The following COMMD1 variants were observed in gnomAD, a reference collection of about 807,000 sequenced individuals.
COMMD1 encodes COMM domain-containing protein 1.
Under a neutral mutation model 17.2 loss-of-function variants are expected in COMMD1, and 10 were observed. The ratio of observed to expected loss-of-function variants is 0.58; its 90% CI spans 0.36 to 0.99. COMMD1 has a LOEUF of 0.99. COMMD1 is among the 50% of genes least tolerant of loss of function. The pLI is 0.01. For missense variants in COMMD1, 270 were observed against 231.8 expected (o/e 1.17, Z -1.07); for synonymous variants, 97 against 91.6 (o/e 1.06, Z -0.34).
At chr2:62,050,755 C>T (rs1670513793) in intron 2 of COMMD1, among the ~76,000 whole-genome samples, 1 of 152,124 alleles carries the variant, frequency 6.6e-6, no homozygotes, top group South Asian at 2.1e-4. Context: ...AAAGTCTGTC[C>T]CTTTAAATTT....
At chr2:61,966,893 C>T (rs574702534) in intron 1 of COMMD1, among the ~76,000 whole-genome samples, 29 of 152,124 alleles carry the variant, frequency 1.9e-4, no homozygotes, top group African/African-American at 6.7e-4. Context: ...TAAGAAGACC[C>T]GGGCATACAC....
intron 1 of COMMD1, among the ~76,000 whole-genome samples, chr2:61,931,706 G>C (rs1444639575): frequency 6.6e-6 from 1 of 152,166 alleles, no homozygotes; most frequent in Non-Finnish European, 1.5e-5. Context: ...CTTTGAGGGG[G>C]TGAACAGCTT....
At chr2:62,066,604 T>A (rs576455262) in intron 2 of COMMD1, among the ~76,000 whole-genome samples, 1 of 151,912 alleles carries the variant, frequency 6.6e-6, no homozygotes. Context: ...GGTTTCACCA[T>A]GTTAGCCAGG....
At chr2:62,013,790 A>G (rs1482148835) in intron 2 of COMMD1, among the ~76,000 whole-genome samples, 1 of 152,194 alleles carries the variant, frequency 6.6e-6, no homozygotes, top group Admixed American at 6.5e-5. Context: ...GTCATTGTTA[A>G]AACAGTCTTA....
At chr2:61,979,096 C>G (rs549692861) in intron 1 of COMMD1, among the ~76,000 whole-genome samples, 1 of 152,276 alleles carries the variant, frequency 6.6e-6, no homozygotes, top group South Asian at 2.1e-4. Context: ...GTGATCCCCA[C>G]TTCCACTGCC....
intron 2 of COMMD1, among the ~76,000 whole-genome samples, chr2:62,039,590 A>G (rs946216298): frequency 1.3e-5 from 2 of 152,204 alleles, no homozygotes; most frequent in African/African-American, 4.8e-5. Context: ...CCCAAGTTGC[A>G]ATTTCAAGTA....
intron 2 of COMMD1, among the ~76,000 whole-genome samples, chr2:62,032,045 A>G (rs559462635): frequency 6.6e-6 from 1 of 152,190 alleles, no homozygotes; most frequent in African/African-American, 2.4e-5. Flanking sequence ...ACTTCATACA[A>G]TTTATTATTT....
chr2:61,919,662 G>A (rs1670138216), intron 1 of COMMD1, among the ~76,000 whole-genome samples: 1 of 151,738 alleles, frequency 6.6e-6, no homozygotes, highest in Non-Finnish European at 1.5e-5. Flanking sequence ...TAGATTGTGA[G>A]GTAGGAACTG....
chr2:61,894,423 C>G (rs1474969117), intron 1 of COMMD1, among the ~76,000 whole-genome samples: 4 of 151,320 alleles, frequency 2.6e-5, no homozygotes, highest in African/African-American at 9.7e-5. Flanking sequence ...GGCAAGCTGA[C>G]TTTATACACA....
intron 2 of COMMD1, among the ~76,000 whole-genome samples, chr2:62,025,738 G>C (rs1424121918): frequency 6.6e-6 from 1 of 152,114 alleles, no homozygotes; most frequent in Non-Finnish European, 1.5e-5. Context: ...ACCCAGGCTG[G>C]AATACAGTGG....
At chr2:62,115,140 G>A (rs972894627) in intron 2 of COMMD1, among the ~76,000 whole-genome samples, 2 of 152,102 alleles carry the variant, frequency 1.3e-5, no homozygotes, top group Admixed American at 6.5e-5. Context: ...TTGTTAAATC[G>A]GTTAAAACGA....
intron 1 of COMMD1, among the ~76,000 whole-genome samples, chr2:61,891,629 G>A (rs1219469001): frequency 1.3e-5 from 2 of 151,766 alleles, no homozygotes; most frequent in African/African-American, 4.8e-5. Flanking sequence ...TCGGGAGGCT[G>A]AGGCAGGAGA....
intron 2 of COMMD1, among the ~76,000 whole-genome samples, chr2:62,067,149 C>T (rs1215163166): frequency 1.3e-5 from 2 of 151,630 alleles, no homozygotes; most frequent in African/African-American, 2.4e-5. Context: ...CGCTTGAACC[C>T]GGAAGGCGGA....
At chr2:62,133,259 CAGCTT>C (rs1306933518) in intron 2 of COMMD1, among the ~76,000 whole-genome samples, 2 of 151,874 alleles carry the variant, frequency 1.3e-5, no homozygotes, top group African/African-American at 4.8e-5. Context: ...AGTGTAGACT[CAGCTT>C]AGCAGCTTAG....
intron 1 of COMMD1, among the ~76,000 whole-genome samples, chr2:61,983,901 A>G (rs748234183): frequency 1.3e-5 from 2 of 151,920 alleles, no homozygotes; most frequent in Non-Finnish European, 2.9e-5. Context: ...TTGTTTTTCT[A>G]ATTCTTTAAG....
At chr2:61,984,431 G>C (rs1672048708) in intron 1 of COMMD1, among the ~76,000 whole-genome samples, 1 of 152,112 alleles carries the variant, frequency 6.6e-6, no homozygotes, top group Non-Finnish European at 1.5e-5. Flanking sequence ...TCATTCAGCA[G>C]CATATTGTTT....
intron 1 of COMMD1, among the ~76,000 whole-genome samples, chr2:61,982,566 T>C (rs565871706): frequency 6.6e-6 from 1 of 152,322 alleles, no homozygotes; most frequent in East Asian, 1.9e-4. Flanking sequence ...GTTCCAGATA[T>C]TAGAGGAAAG....
At chr2:61,933,794 G>A (rs997052949) in intron 1 of COMMD1, among the ~76,000 whole-genome samples, 4 of 150,920 alleles carry the variant, frequency 2.7e-5, no homozygotes, top group African/African-American at 7.4e-5. Flanking sequence ...ATGGAGTTTC[G>A]CTCTTGTTGC....
chr2:62,048,538 G>A (rs1670448259), intron 2 of COMMD1, among the ~76,000 whole-genome samples: 1 of 152,050 alleles, frequency 6.6e-6, no homozygotes. Context: ...ATGGACTATG[G>A]ACAGTAAAAT....
Sources: allele counts gnomAD v4.1 joint callset (sites outside exome capture counted in the v4.1 genomes callset), GRCh38; gene constraint gnomAD v4.1.1; transcripts MANE v1.5; gene names NCBI Gene and HGNC (gene_info 2026-07-23, HGNC 2026-07-21).